Variants in SEL1L2 observed in about 807,000 individuals in gnomAD.
The protein encoded by SEL1L2 is protein sel-1 homolog 2.
Under a neutral mutation model 98.8 loss-of-function variants are expected in SEL1L2, and 89 were observed. That is an observed-to-expected ratio of 0.90 (90% CI 0.76 to 1.07). The LOEUF is 1.07. Among genes scored for constraint, SEL1L2 ranks in the 50% least tolerant of loss-of-function variants. The pLI is 0.00. For missense variants in SEL1L2, 788 were observed against 812.0 expected (o/e 0.97, Z 0.36); for synonymous variants, 262 against 278.5 (o/e 0.94, Z 0.59).
intron 10 of SEL1L2, among the ~76,000 whole-genome samples, chr20:13,883,846 G>A (rs1265147597): frequency 6.6e-6 from 1 of 152,248 alleles, no homozygotes; most frequent in Non-Finnish European, 1.5e-5. Flanking sequence ...TATGGAAAAT[G>A]AGGACGTCTT....
intron 17 of SEL1L2, 121 bp downstream of exon 17, chr20:13,865,046 G>GC: frequency 1.4e-6 from 1 of 717,050 alleles, no homozygotes. Flanking sequence ...AGTTTGAAAT[G>GC]TCACCTACTT....
chr20:13,931,492 T>TA (rs1475797542), intron 3 of SEL1L2, 111 bp downstream of exon 3: 2 of 585,588 alleles, frequency 3.4e-6, no homozygotes, highest in Non-Finnish European at 5.1e-6. Flanking sequence ...CTTTTGTGTG[T>TA]ATAAATATTT....
intron 2 of SEL1L2, among the ~76,000 whole-genome samples, chr20:13,934,357 C>CTA (rs2049304735): frequency 1.1e-5 from 1 of 94,572 alleles, no homozygotes; most frequent in African/African-American, 4.1e-5. Context: ...TATATATATT[C>CTA]CATATATATA....
Position 13,849,355 on chromosome 20 carries a change from T to C in SEL1L2, c.*130A>G. 1 of 1,197,258 alleles carries C rather than the reference T, an allele frequency of 8.4e-7. No individual in the cohort carries two copies. Among genetic ancestry groups the C allele is most frequent in the Non-Finnish European group, 1.2e-6 (1 of 842,576 alleles). The allele number at this position is 1,197,258 out of a possible 1,614,324, so 74.2% of individuals were successfully genotyped here. On this transcript the variant is annotated 3_prime_UTR_variant, in exon 20 of 20. Transcript: ENST00000284951. ...TCTCTAGGATGGTCCCCAAGTCTTG[T>C]CTGTTTCCCATCACAGCCCTGAGCG...
intron 3 of SEL1L2, among the ~76,000 whole-genome samples, chr20:13,924,527 G>T (rs1184939230): frequency 6.6e-6 from 1 of 151,870 alleles, no homozygotes; most frequent in African/African-American, 2.4e-5. Flanking sequence ...CTGGGCTCAA[G>T]ATATCCTCCC....
chr20:13,988,365 C>G (rs1273381033), intron 1 of SEL1L2, among the ~76,000 whole-genome samples: 1 of 152,000 alleles, frequency 6.6e-6, no homozygotes, highest in African/African-American at 2.4e-5. Context: ...TTATTTTTTT[C>G]AAATTCATTT....
intron 11 of SEL1L2, 102 bp from the exon 12 acceptor site, chr20:13,876,217 A>T: frequency 1.3e-6 from 1 of 797,202 alleles, no homozygotes; most frequent in Non-Finnish European, 2.2e-6. Context: ...AACATATTGA[A>T]TGTAGTAAAT....
chr20:13,915,060 G>A, intron 4 of SEL1L2: 1 of 1,246,344 alleles, frequency 8.0e-7, no homozygotes, highest in Non-Finnish European at 1.0e-6. Context: ...TCAAATACAG[G>A]GAAAAAAAAC....
chr20:13,890,153 G>T (rs977043967), intron 5 of SEL1L2, among the ~76,000 whole-genome samples: 1 of 152,188 alleles, frequency 6.6e-6, no homozygotes, highest in Non-Finnish European at 1.5e-5. Context: ...GCTTTCAGGA[G>T]AAAAAGCCCA....
In SEL1L2 at chr20:13,920,248, ATTCT is replaced by A. The variant is rs1404822531; in HGVS notation, c.284-1129_284-1126del. Among the ~76,000 whole-genome samples, 4 of 147,152 alleles carry A rather than the reference ATTCT, an allele frequency of 2.7e-5. No individual in the cohort carries two copies. The East Asian group carries it at 7.9e-4, about 29-fold the overall frequency. On this transcript the variant is annotated intron_variant, in intron 3 of 19. Coordinates refer to ENST00000284951, the MANE Select transcript of SEL1L2 (RefSeq NM_025229.2). ...GTCCCAAAAAAAAAAAAAAAAAAAA[ATTCT>A]ACCTAAGGCTTTTCCACCTCCCAGG...
At chr20:13,895,308 T>C (rs1434935858) in intron 5 of SEL1L2, among the ~76,000 whole-genome samples, 1 of 151,926 alleles carries the variant, frequency 6.6e-6, no homozygotes, top group African/African-American at 2.4e-5. Flanking sequence ...CTGGGCATGG[T>C]GGTGCATGCC....
Position 13,849,507 on chromosome 20 carries a change from AAC to A in SEL1L2, c.2043_2044del (p.Leu681PhefsTer3). 6.2e-7 allele frequency: 1 copy of A among 1,614,090 alleles called. No individual in the cohort carries two copies. The highest frequency in any genetic ancestry group is 8.5e-7 in the Non-Finnish European group (1 of 1,179,960). ...ATCCTACCCATGGTGATTTCTAAGC[AAC>A]AAAATCAGCCCAGGAACAATGAGGC... is the stretch of plus-strand genomic sequence containing the variant. On this transcript the variant is annotated frameshift_variant, in exon 20 of 20. Coordinates refer to ENST00000284951, the MANE Select transcript of SEL1L2 (RefSeq NM_025229.2). LOFTEE classifies it high-confidence loss of function.
intron 1 of SEL1L2, among the ~76,000 whole-genome samples, chr20:13,990,028 A>G (rs1235487597): frequency 6.6e-6 from 1 of 152,244 alleles, no homozygotes; most frequent in Non-Finnish European, 1.5e-5. Context: ...CTATTTAGGA[A>G]ACATTGAAAC....
chr20:13,901,507 T>C (rs188662631), intron 5 of SEL1L2, among the ~76,000 whole-genome samples: 2 of 152,338 alleles, frequency 1.3e-5, no homozygotes, highest in African/African-American at 4.8e-5. Context: ...TATTTTGCTA[T>C]TAATTAGGAG....
Position 13,956,148 on chromosome 20 carries a change from T to C in SEL1L2, c.59-17A>G, listed in dbSNP as rs1196793956. The stretch of plus-strand genomic sequence containing the variant: ...CTTTGATAGCTGCAATACACAAAAT[T>C]TTTTTATAAAATTTAAAAGCATTTT... On this transcript the variant is annotated splice_polypyrimidine_tract_variant and intron_variant, in intron 1 of 19. Coordinates refer to ENST00000284951, the MANE Select transcript of SEL1L2 (RefSeq NM_025229.2). The C allele has an allele frequency of 3.6e-6, 5 of 1,388,246 alleles. No individual in the cohort carries two copies. The Middle Eastern group carries it at 8.1e-4, about 224-fold the overall frequency. 86.0% of individuals were successfully genotyped at this position (1,388,246 alleles called of 1,614,324 possible).
intron 15 of SEL1L2, among the ~76,000 whole-genome samples, chr20:13,866,405 C>T (rs1017089079): frequency 1.3e-5 from 2 of 152,174 alleles, no homozygotes; most frequent in African/African-American, 4.8e-5. Context: ...TGCCAAATTG[C>T]CCTGGTGATT....
At position 13,877,590 on chromosome 20, in the gene SEL1L2, T is replaced by C. The variant is rs2046494132; in HGVS notation, c.958-2A>G. 1 of 1,611,910 alleles carries C rather than the reference T, an allele frequency of 6.2e-7. No individual in the cohort carries two copies. The highest frequency in any genetic ancestry group is 1.1e-5 in the South Asian group (1 of 90,974). The stretch of plus-strand genomic sequence containing the variant: ...CTTTAAGAAGTAGTGTAATGCTTTC[T>C]GGAGAGAAAAGGAACAGTGTTATTG... On this transcript the variant is annotated splice_acceptor_variant, in intron 10 of 19. Transcript: ENST00000284951. LOFTEE classifies it high-confidence loss of function.
At chr20:13,906,285 T>A (rs1308383528) in intron 5 of SEL1L2, among the ~76,000 whole-genome samples, 2 of 152,226 alleles carry the variant, frequency 1.3e-5, no homozygotes, top group Non-Finnish European at 2.9e-5. Flanking sequence ...AATATTTTAC[T>A]GTACTTCAAA....
intron 5 of SEL1L2, among the ~76,000 whole-genome samples, chr20:13,888,981 G>A (rs905478636): frequency 7.3e-6 from 1 of 137,332 alleles, no homozygotes; most frequent in South Asian, 2.3e-4. Context: ...TTTTTGAGAC[G>A]AAATTTCAGT....
Sources: gnomAD v4.1 joint callset for allele counts (sites outside exome capture counted in the v4.1 genomes callset) on GRCh38, gnomAD v4.1.1 for gene constraint, MANE v1.5 for transcripts, NCBI Gene and HGNC (gene_info 2026-07-23, HGNC 2026-07-21) for gene names.